CHN1: variants seen among roughly 807,000 people sequenced by gnomAD.
CHN1 encodes the protein N-chimaerin.
Under a neutral mutation model 59.5 loss-of-function variants are expected in CHN1, and 37 were observed. That is an observed-to-expected ratio of 0.62 (90% CI 0.48 to 0.82). CHN1 has a LOEUF of 0.82. Among genes scored for constraint, CHN1 ranks in the 40% least tolerant of loss-of-function variants. The probability of loss-of-function intolerance (pLI) is 0.00; values close to 1 mark genes in which losing one functional copy is unlikely to be tolerated. For synonymous variants in CHN1, 206 were observed against 200.4 expected (o/e 1.03, Z -0.24); for missense variants, 469 against 571.0 (o/e 0.82, Z 1.82).
Position 174,942,438 on chromosome 2 carries a change from C to T in CHN1, c.114+2450G>A, listed in dbSNP as rs188151950. On this transcript the variant is annotated intron_variant, in intron 3 of 12. Coordinates refer to ENST00000409900, the MANE Select transcript of CHN1 (RefSeq NM_001822.7). Reference sequence around the variant, plus strand: ...AAGATGAATACTGCACATTCTCATTCATATGTGGGAGCTAAATAAATTGAT... The same window carrying T: ...AAGATGAATACTGCACATTCTCATTTATATGTGGGAGCTAAATAAATTGAT... Among the ~76,000 whole-genome samples the T allele has an allele frequency of 1.8e-3, 277 of 151,976 alleles. 6 individuals are homozygous for T. The highest frequency in any genetic ancestry group is 0.018 in the Admixed American group (275 of 15,248).
rs183863247 is a variant in CHN1, at chr2:174,978,684, C to G, written c.19+26210G>C. Among the ~76,000 whole-genome samples, 9 of 152,234 alleles carry G rather than the reference C, an allele frequency of 5.9e-5. No individual in the cohort carries two copies. In the East Asian group the frequency reaches 1.7e-3, roughly 29 times the overall value. Reference sequence around the variant, plus strand: ...TTATTTCTGGTTCTTTTTTCACTTACATTTGTCAAAATGCAATAAAGATTC... The same window carrying G: ...TTATTTCTGGTTCTTTTTTCACTTAGATTTGTCAAAATGCAATAAAGATTC... On this transcript the variant is annotated intron_variant, in intron 1 of 12. Coordinates refer to ENST00000409900, the MANE Select transcript of CHN1 (RefSeq NM_001822.7).
intron 11 of CHN1, among the ~76,000 whole-genome samples, chr2:174,802,332 G>A (rs954693572): frequency 6.6e-6 from 1 of 152,092 alleles, no homozygotes; most frequent in African/African-American, 2.4e-5. Context: ...ACCAAAACAT[G>A]TACCATCCAA....
intron 3 of CHN1, among the ~76,000 whole-genome samples, chr2:174,921,783 C>T (rs191696726): frequency 6.6e-6 from 1 of 152,076 alleles, no homozygotes; most frequent in Admixed American, 6.6e-5. Context: ...CATCAGATCT[C>T]GTGAGAACTC....
chr2:174,883,193 C>G (rs1205443121), intron 5 of CHN1, among the ~76,000 whole-genome samples: 1 of 152,144 alleles, frequency 6.6e-6, no homozygotes, highest in Admixed American at 6.5e-5. Context: ...GTTTAAAAAG[C>G]AGTTAGATAT....
At chr2:174,839,604 A>AT (rs34568874) in intron 7 of CHN1, among the ~76,000 whole-genome samples, 9,533 of 142,486 alleles carry the variant, frequency 0.067, 503 homozygotes, top group African/African-American at 0.14. Context: ...GCACTTAAAG[A>AT]TTTTTTTTTT....
At chr2:174,884,019 G>A (rs1473590739) in intron 5 of CHN1, among the ~76,000 whole-genome samples, 2 of 149,690 alleles carry the variant, frequency 1.3e-5, no homozygotes, top group Non-Finnish European at 3.0e-5. Context: ...CCAGGCTGGG[G>A]TGCAGTGGTG....
intron 1 of CHN1, among the ~76,000 whole-genome samples, chr2:174,979,752 G>A (rs1181955818): frequency 6.6e-6 from 1 of 151,976 alleles, no homozygotes; most frequent in Non-Finnish European, 1.5e-5. Context: ...ATGGTGGTGG[G>A]CGCCTGTAGT....
At chr2:174,821,913 A>G in intron 8 of CHN1, 1 of 267,184 alleles carries the variant, frequency 3.7e-6, no homozygotes, top group Non-Finnish European at 7.7e-6. Flanking sequence ...TGAAAGGAAC[A>G]AGGAATGTTG....
rs150201204 is a variant in CHN1 at position 174,807,151 on chromosome 2, C to G, written c.1102+1754G>C. ...GATAATAAAAAGGAGAGATTTTCTT[C>G]AGCAGCTAAGGTGGGTGTGGGGAAG... On this transcript the variant is annotated intron_variant, in intron 11 of 12. Transcript: ENST00000409900. Among the ~76,000 whole-genome samples, 111 of 152,268 alleles carry G rather than the reference C, an allele frequency of 7.3e-4. 1 individual carries two copies. In the East Asian group the frequency reaches 0.019, roughly 26 times the overall value.
chr2:174,968,444 G>T (rs1379589853), intron 1 of CHN1, among the ~76,000 whole-genome samples: 1 of 152,240 alleles, frequency 6.6e-6, no homozygotes, highest in African/African-American at 2.4e-5. Flanking sequence ...CCACAAATGA[G>T]CGGAGTTGGA....
At chr2:174,976,081 G>A (rs1347114745) in intron 1 of CHN1, among the ~76,000 whole-genome samples, 2 of 121,460 alleles carry the variant, frequency 1.6e-5, no homozygotes, top group South Asian at 2.9e-4. Flanking sequence ...AGCAGAGATC[G>A]CGCCACTGCT....
At chr2:174,912,192 G>C (rs1194194828) in intron 5 of CHN1, among the ~76,000 whole-genome samples, 8 of 152,082 alleles carry the variant, frequency 5.3e-5, no homozygotes, top group Non-Finnish European at 1.0e-4. Flanking sequence ...TAAAACTAAA[G>C]TTAATTTCAA....
chr2:174,799,505 C>T lies in CHN1; in HGVS notation c.*611G>A. On this transcript the variant is annotated 3_prime_UTR_variant, in exon 13 of 13. Coordinates refer to ENST00000409900, the MANE Select transcript of CHN1 (RefSeq NM_001822.7). ...TTAACAGAAAATGCTGTGTTGTACA[C>T]TTTTTATTGGTATGGATAACCTTTA... 1.9e-6 allele frequency: 1 copy of T among 515,014 alleles called. No homozygotes were observed. The allele number at this position is 515,014 out of a possible 1,614,324, so 31.9% of individuals were successfully genotyped here.
At chr2:174,850,445 T>G (rs1008764361) in intron 6 of CHN1, among the ~76,000 whole-genome samples, 1 of 152,178 alleles carries the variant, frequency 6.6e-6, no homozygotes, top group Non-Finnish European at 1.5e-5. Context: ...GGAGTTCTGC[T>G]TTGTTTCTTG....
chr2:174,843,731 T>C (rs1389190199), intron 7 of CHN1, among the ~76,000 whole-genome samples: 1 of 151,494 alleles, frequency 6.6e-6, no homozygotes, highest in Non-Finnish European at 1.5e-5. Flanking sequence ...GGGGTATTTG[T>C]AGTAACAAAA....
intron 3 of CHN1, among the ~76,000 whole-genome samples, chr2:174,920,170 A>G (rs1688973712): frequency 6.6e-6 from 1 of 152,180 alleles, no homozygotes; most frequent in African/African-American, 2.4e-5. Flanking sequence ...GTATACTGAA[A>G]TGGAATATAC....
chr2:174,984,917 C>CCTTCATT (rs1691289476), intron 1 of CHN1, among the ~76,000 whole-genome samples: 1 of 152,134 alleles, frequency 6.6e-6, no homozygotes, highest in Admixed American at 6.5e-5. Flanking sequence ...CTTCAACAAA[C>CCTTCATT]CTTCACAAGA....
chr2:174,952,838 T>C (rs1359756219), intron 1 of CHN1, among the ~76,000 whole-genome samples: 1 of 152,204 alleles, frequency 6.6e-6, no homozygotes, highest in African/African-American at 2.4e-5. Context: ...TTTCCCCTCA[T>C]GTTGCCTGAG....
chr2:174,822,874 C>T lies in CHN1; in HGVS notation c.712+1560G>A, dbSNP rs191890987. Reference sequence around the variant, plus strand: ...GACTCTGAGCTGAGGCGCTCCCTGACGAACACCTTTGCACAGCTCCAAGTC... The same window carrying T: ...GACTCTGAGCTGAGGCGCTCCCTGATGAACACCTTTGCACAGCTCCAAGTC... On this transcript the variant is annotated intron_variant, in intron 8 of 12. Coordinates refer to ENST00000409900, the MANE Select transcript of CHN1 (RefSeq NM_001822.7). Among the ~76,000 whole-genome samples the T allele has an allele frequency of 1.2e-3, 184 of 152,330 alleles. 1 individual carries two copies. Among genetic ancestry groups the T allele is most frequent in the African/African-American group, 4.0e-3 (165 of 41,564 alleles).
Sources: allele counts gnomAD v4.1 joint callset (sites outside exome capture counted in the v4.1 genomes callset), GRCh38; gene constraint gnomAD v4.1.1; transcripts MANE v1.5; gene names NCBI Gene and HGNC (gene_info 2026-07-23, HGNC 2026-07-21).